PACRG: variants seen among roughly 807,000 people sequenced by gnomAD.
PACRG encodes parkin coregulated.
In PACRG, 29 loss-of-function variants were observed where a neutral mutation model predicts 29.7. The ratio of observed to expected loss-of-function variants is 0.98; its 90% CI spans 0.73 to 1.33. PACRG has a LOEUF of 1.33. Ranked by LOEUF, PACRG falls within the 40% of genes most tolerant of loss-of-function variation. The probability of loss-of-function intolerance (pLI) is 0.00; values close to 1 mark genes in which losing one functional copy is unlikely to be tolerated. For synonymous variants in PACRG, 116 were observed against 118.7 expected, an observed-to-expected ratio of 0.98 and a Z score of 0.15; for missense variants, 279 against 316.2, an observed-to-expected ratio of 0.88 and a Z score of 0.89.
intron 2 of PACRG, among the ~76,000 whole-genome samples, chr6:162,938,394 C>G (rs1798388562): frequency 6.6e-6 from 1 of 152,210 alleles, no homozygotes; most frequent in Non-Finnish European, 1.5e-5. Context: ...ATAATGACTT[C>G]TTTTCCTCTG....
At chr6:163,142,226 T>C (rs1187207181) in intron 4 of PACRG, among the ~76,000 whole-genome samples, 5 of 151,894 alleles carry the variant, frequency 3.3e-5, no homozygotes, top group Admixed American at 2.0e-4. Flanking sequence ...ATTCATGAAA[T>C]AGATGTCAAG....
intron 4 of PACRG, among the ~76,000 whole-genome samples, chr6:163,233,146 C>T (rs932716068): frequency 6.6e-6 from 1 of 152,234 alleles, no homozygotes; most frequent in Non-Finnish European, 1.5e-5. Context: ...TGCTGCAATC[C>T]ATCTTCAATT....
At chr6:163,088,759 A>G (rs1309391015) in intron 3 of PACRG, among the ~76,000 whole-genome samples, 1 of 151,966 alleles carries the variant, frequency 6.6e-6, no homozygotes, top group Admixed American at 6.6e-5. Context: ...GTTCACTTCT[A>G]CCAAGAATAT....
intron 2 of PACRG, among the ~76,000 whole-genome samples, chr6:162,845,321 C>T (rs940043939): frequency 9.9e-5 from 15 of 151,944 alleles, no homozygotes; most frequent in Middle Eastern, 3.2e-3. Context: ...ATGTCCAAAC[C>T]GTGAGCAAGA....
chr6:163,297,321 G>T (rs950370121), intron 4 of PACRG, among the ~76,000 whole-genome samples: 3 of 152,236 alleles, frequency 2.0e-5, no homozygotes, highest in Admixed American at 2.0e-4. Flanking sequence ...GGTTCAGGTT[G>T]CTGGCATGGT....
At chr6:162,910,321 C>T (rs1010720540) in intron 2 of PACRG, among the ~76,000 whole-genome samples, 5 of 152,172 alleles carry the variant, frequency 3.3e-5, no homozygotes, top group African/African-American at 1.2e-4. Context: ...TTCAGCTGCA[C>T]TGAGATTTCA....
intron 3 of PACRG, among the ~76,000 whole-genome samples, chr6:163,077,121 C>G (rs1812618019): frequency 6.6e-6 from 1 of 152,170 alleles, no homozygotes; most frequent in Non-Finnish European, 1.5e-5. Flanking sequence ...GCATAAGACT[C>G]TCTCATATGA....
intron 2 of PACRG, among the ~76,000 whole-genome samples, chr6:163,010,319 C>T (rs1325198149): frequency 1.3e-5 from 2 of 152,166 alleles, no homozygotes; most frequent in Admixed American, 6.5e-5. Flanking sequence ...AATTTTGTAT[C>T]GCATTCCCTC....
intron 2 of PACRG, among the ~76,000 whole-genome samples, chr6:163,001,570 C>A (rs1454557782): frequency 6.6e-6 from 1 of 152,168 alleles, no homozygotes. Context: ...TGATATGACT[C>A]AAGTCTCTAT....
At chr6:163,112,670 A>G (rs1202571298) in intron 4 of PACRG, among the ~76,000 whole-genome samples, 3 of 152,238 alleles carry the variant, frequency 2.0e-5, no homozygotes, top group Non-Finnish European at 2.9e-5. Flanking sequence ...GGAAAGGCAC[A>G]GGCCTAAAGA....
chr6:163,008,255 C>T (rs543602842), intron 2 of PACRG, among the ~76,000 whole-genome samples: 15 of 152,104 alleles, frequency 9.9e-5, no homozygotes, highest in Admixed American at 3.3e-4. Flanking sequence ...AAAGACAGAT[C>T]GCCACAGGGA....
intron 3 of PACRG, among the ~76,000 whole-genome samples, chr6:163,072,834 T>G (rs1211301489): frequency 6.6e-6 from 1 of 152,042 alleles, no homozygotes; most frequent in Non-Finnish European, 1.5e-5. Flanking sequence ...GAAAAAGAAA[T>G]TTTACAATGT....
intron 2 of PACRG, among the ~76,000 whole-genome samples, chr6:163,018,398 T>G (rs186167927): frequency 3.9e-5 from 6 of 152,294 alleles, no homozygotes; most frequent in African/African-American, 1.4e-4. Flanking sequence ...TTTCTGAATC[T>G]TTTCCTCTAG....
At chr6:162,836,525 A>C (rs891385498) in intron 2 of PACRG, among the ~76,000 whole-genome samples, 4 of 152,076 alleles carry the variant, frequency 2.6e-5, no homozygotes, top group Non-Finnish European at 5.9e-5. Context: ...CACCACTTTT[A>C]CATCATACCG....
intron 1 of PACRG, among the ~76,000 whole-genome samples, chr6:162,782,782 G>T (rs1324073892): frequency 6.6e-6 from 1 of 151,706 alleles, no homozygotes; most frequent in Non-Finnish European, 1.5e-5. Context: ...CATAAATCAA[G>T]AAATTACTTA....
chr6:162,768,054 T>C (rs1355007634), intron 1 of PACRG, among the ~76,000 whole-genome samples: 1 of 152,062 alleles, frequency 6.6e-6, no homozygotes, highest in Admixed American at 6.6e-5. Context: ...GTACAAGATG[T>C]TTAGCATTGT....
At chr6:162,976,909 C>T (rs1037556182) in intron 2 of PACRG, among the ~76,000 whole-genome samples, 24 of 151,774 alleles carry the variant, frequency 1.6e-4, no homozygotes, top group African/African-American at 3.9e-4. Flanking sequence ...TAAAAAAATA[C>T]GCAAAATGAA....
chr6:162,740,364 G>A (rs1490046319), intron 1 of PACRG, among the ~76,000 whole-genome samples: 2 of 151,212 alleles, frequency 1.3e-5, no homozygotes, highest in South Asian at 2.1e-4. Flanking sequence ...AGGCTGGAGT[G>A]CAGTGGCGTG....
intron 4 of PACRG, among the ~76,000 whole-genome samples, chr6:163,280,137 T>G (rs1427882046): frequency 6.6e-6 from 1 of 152,204 alleles, no homozygotes; most frequent in Non-Finnish European, 1.5e-5. Context: ...CTGCTCAGTC[T>G]CCTTTCCATC....
Sources: allele counts gnomAD v4.1 joint callset (sites outside exome capture counted in the v4.1 genomes callset), GRCh38; gene constraint gnomAD v4.1.1; transcripts MANE v1.5; gene names NCBI Gene and HGNC (gene_info 2026-07-23, HGNC 2026-07-21).